Variants in DNM3 observed in about 807,000 individuals in gnomAD.
DNM3 encodes the protein dynamin-3.
DNM3 carries 47 observed loss-of-function variants against 101.6 expected under a neutral mutation model. That is an observed-to-expected ratio of 0.46 (90% confidence interval 0.37 to 0.59). The LOEUF is 0.59. Ranked by LOEUF, DNM3 falls within the 20% of genes least tolerant of loss-of-function variation. DNM3 has a pLI of 0.00. For synonymous variants in DNM3, 385 were observed against 387.9 expected, an observed-to-expected ratio of 0.99 and a Z score of 0.09; for missense variants, 849 against 1,085.7, an observed-to-expected ratio of 0.78 and a Z score of 3.06.
chr1:172,156,870 G>T (rs2058358563), intron 14 of DNM3, among the ~76,000 whole-genome samples: 1 of 151,978 alleles, frequency 6.6e-6, no homozygotes, highest in South Asian at 2.1e-4. Flanking sequence ...ACTGCCACTT[G>T]CTAGTTACTT....
chr1:171,985,169 G>C (rs2045153860), intron 2 of DNM3, among the ~76,000 whole-genome samples: 1 of 152,116 alleles, frequency 6.6e-6, no homozygotes, highest in Non-Finnish European at 1.5e-5. Flanking sequence ...CTCTATGACA[G>C]AACAGTTGTG....
intron 4 of DNM3, among the ~76,000 whole-genome samples, chr1:171,991,181 C>A (rs776168553): frequency 2.0e-5 from 3 of 152,150 alleles, no homozygotes; most frequent in African/African-American, 2.4e-5. Context: ...TGCAAACAAG[C>A]AATTAATTCT....
At chr1:172,242,753 G>A (rs189150309) in intron 14 of DNM3, among the ~76,000 whole-genome samples, 64 of 152,258 alleles carry the variant, frequency 4.2e-4, no homozygotes, top group Non-Finnish European at 4.9e-4. Context: ...TGTTTTGTAT[G>A]CTTCTATACA....
intron 13 of DNM3, among the ~76,000 whole-genome samples, chr1:172,114,489 C>CTTAT (rs1210772463): frequency 6.6e-6 from 1 of 152,160 alleles, no homozygotes; most frequent in African/African-American, 2.4e-5. Flanking sequence ...ACTCTATATA[C>CTTAT]TTATGTACCT....
chr1:172,339,037 G>C (rs1463328401), intron 17 of DNM3: 1 of 486,662 alleles, frequency 2.1e-6, no homozygotes, highest in Non-Finnish European at 4.1e-6. Context: ...TTGACATTTG[G>C]TTTTCTAAAT....
chr1:172,097,908 T>C (rs1376743294), intron 13 of DNM3, among the ~76,000 whole-genome samples: 1 of 151,644 alleles, frequency 6.6e-6, no homozygotes, highest in Non-Finnish European at 1.5e-5. Flanking sequence ...ACCAGCAAGT[T>C]TTTATTAGTG....
chr1:172,190,256 T>G (rs548721095), intron 14 of DNM3, among the ~76,000 whole-genome samples: 6 of 152,240 alleles, frequency 3.9e-5, no homozygotes, highest in African/African-American at 1.4e-4. Context: ...ATTGAGAACA[T>G]GCGGTGTTTG....
intron 15 of DNM3, among the ~76,000 whole-genome samples, chr1:172,304,340 T>C (rs2148859126): frequency 6.6e-6 from 1 of 151,686 alleles, no homozygotes; most frequent in Admixed American, 6.6e-5. Flanking sequence ...GAGCTAACTA[T>C]CCTAAATATA....
At chr1:172,112,546 T>C (rs745525445) in intron 13 of DNM3, among the ~76,000 whole-genome samples, 2 of 152,214 alleles carry the variant, frequency 1.3e-5, no homozygotes, top group African/African-American at 2.4e-5. Context: ...CCTGAACCTC[T>C]TCAGTCTTTC....
intron 1 of DNM3, among the ~76,000 whole-genome samples, chr1:171,853,583 C>G (rs1205309552): frequency 6.6e-6 from 1 of 152,060 alleles, no homozygotes; most frequent in Non-Finnish European, 1.5e-5. Flanking sequence ...GTTTAGTTTC[C>G]TTTTTTTATT....
chr1:172,109,883 G>C (rs1268421573), intron 13 of DNM3, among the ~76,000 whole-genome samples: 1 of 152,156 alleles, frequency 6.6e-6, no homozygotes, highest in African/African-American at 2.4e-5. Context: ...GGAAGAATAT[G>C]GGTAATTAAA....
intron 2 of DNM3, among the ~76,000 whole-genome samples, chr1:171,975,202 T>C (rs985016048): frequency 6.6e-5 from 10 of 152,164 alleles, no homozygotes; most frequent in Non-Finnish European, 1.5e-4. Context: ...TTGGGTTGAC[T>C]CTATTGCCTG....
At chr1:172,009,555 A>G (rs1392156399) in intron 4 of DNM3, among the ~76,000 whole-genome samples, 2 of 151,780 alleles carry the variant, frequency 1.3e-5, no homozygotes, top group African/African-American at 4.8e-5. Flanking sequence ...TCACACTACC[A>G]TATGTCAAGT....
At chr1:172,220,422 G>A (rs1317062716) in intron 14 of DNM3, among the ~76,000 whole-genome samples, 1 of 152,042 alleles carries the variant, frequency 6.6e-6, no homozygotes, top group Non-Finnish European at 1.5e-5. Flanking sequence ...GGAGAATGGG[G>A]GAAAACTCAA....
chr1:171,916,164 C>T (rs1000883331), intron 1 of DNM3, among the ~76,000 whole-genome samples: 2 of 152,202 alleles, frequency 1.3e-5, no homozygotes, highest in Non-Finnish European at 2.9e-5. Context: ...GTCAAGAGCA[C>T]AGATGCTAGA....
rs1291266984 is a variant in DNM3, at chr1:172,350,888, A to G, written c.1893+27548A>G. Reference sequence around the variant, plus strand: ...AAATGTAGACAGGCTAAATAGAATTATCCAAAATGGAGCCTGTCTGAAATT... The same window carrying G: ...AAATGTAGACAGGCTAAATAGAATTGTCCAAAATGGAGCCTGTCTGAAATT... On this transcript the variant is annotated intron_variant, in intron 17 of 20. Transcript: ENST00000627582. 2.0e-5 allele frequency among the ~76,000 whole-genome samples: 3 copies of G among 152,328 alleles called. No individual in the cohort carries two copies. The East Asian group carries it at 5.8e-4, about 29-fold the overall frequency.
At chr1:172,397,159 C>T (rs946914485) in intron 20 of DNM3, 4 of 152,600 alleles carry the variant, frequency 2.6e-5, no homozygotes, top group African/African-American at 9.7e-5. Flanking sequence ...AAAATGTCTA[C>T]TTACTTCTTA....
downstream of DNM3, among the ~76,000 whole-genome samples, chr1:172,412,968 T>C (rs754006332): frequency 4.6e-5 from 7 of 152,286 alleles, no homozygotes; most frequent in South Asian, 2.1e-4. Context: ...TTGGAATCGA[T>C]TGACGAACAC....
rs150181915 is a variant in DNM3, at chr1:172,029,822, T to C, written c.590-2580T>C. Among the ~76,000 whole-genome samples the C allele has an allele frequency of 9.7e-4, 148 of 152,048 alleles. 1 individual carries two copies. The East Asian group carries it at 0.026, about 27-fold the overall frequency. On this transcript the variant is annotated intron_variant, in intron 4 of 20. Coordinates refer to ENST00000627582, the MANE Select transcript of DNM3 (RefSeq NM_015569.5). ...CCATTCATGATTGCTACAAAGAGAA[T>C]AAAATACCTAGGAATCCAACTTACA...
Sources: gnomAD v4.1 joint callset for allele counts (sites outside exome capture counted in the v4.1 genomes callset) on GRCh38, gnomAD v4.1.1 for gene constraint, MANE v1.5 for transcripts, NCBI Gene and HGNC (gene_info 2026-07-23, HGNC 2026-07-21) for gene names.